The following TMEM184A variants were observed in gnomAD, a reference collection of about 807,000 sequenced individuals.
TMEM184A encodes the protein transmembrane protein 184A.
In TMEM184A, 40 loss-of-function variants were observed where a neutral mutation model predicts 39.5. The observed-to-expected ratio is 1.01, with a 90% CI of 0.79 to 1.32. TMEM184A has a LOEUF of 1.32. Ranked by LOEUF, TMEM184A falls within the 40% of genes most tolerant of loss-of-function variation. The pLI, the probability that TMEM184A is intolerant of heterozygous loss-of-function variation, is 0.00. For missense variants in TMEM184A, 603 were observed against 568.8 expected (o/e 1.06, Z -0.61); for synonymous variants, 280 against 252.3 (o/e 1.11, Z -1.04).
Position 1,545,266 on chromosome 7 carries a change from G to A in TMEM184A, c.*1686C>T, listed in dbSNP as rs1583209686. 6.6e-6 allele frequency: 1 copy of A among 152,546 alleles called. No individual in the cohort carries two copies. Among genetic ancestry groups the A allele is most frequent in the African/African-American group, 2.4e-5 (1 of 41,426 alleles). The allele number at this position is 152,546 out of a possible 1,614,324, so 9.4% of individuals were successfully genotyped here. On this transcript the variant is annotated 3_prime_UTR_variant, in exon 9 of 9. Coordinates refer to ENST00000297477, the MANE Select transcript of TMEM184A (RefSeq NM_001097620.2). ...GTGGGCGTCTTTGCAGCCGTGCAGGGAGGAGCTCAGCCTATCTTATCAGGC... is the reference window on the plus strand; with the variant it reads ...GTGGGCGTCTTTGCAGCCGTGCAGGAAGGAGCTCAGCCTATCTTATCAGGC...
At chr7:1,549,356 G>A (rs1234481167) in intron 6 of TMEM184A, 1 of 394,860 alleles carries the variant, frequency 2.5e-6, no homozygotes, top group Non-Finnish European at 5.1e-6. Context: ...GTGGACCTTC[G>A]CAGGGGTCCT....
In TMEM184A at chr7:1,549,470, G is replaced by A. The variant is rs142557295; in HGVS notation, c.644+384C>T. On this transcript the variant is annotated intron_variant, in intron 6 of 8. Transcript: ENST00000297477. ...ATGCCAAGAGTGCTCAAGGCTGGGC[G>A]GGGGCTGGGGCCATCACTGCCTGGC... 659 of 462,960 alleles carry A rather than the reference G, an allele frequency of 1.4e-3. 1 individual carries two copies. Among genetic ancestry groups the A allele is most frequent in the African/African-American group, 0.012 (601 of 49,246 alleles). 28.7% of individuals were successfully genotyped at this position (462,960 alleles called of 1,614,324 possible).
At position 1,555,545 on chromosome 7, in the gene TMEM184A, A is replaced by G. The variant is rs12532336; in HGVS notation, c.1-61T>C. On this transcript the variant is annotated intron_variant, in intron 1 of 8. Coordinates refer to ENST00000297477, the MANE Select transcript of TMEM184A (RefSeq NM_001097620.2). The surrounding 1 kb of genome is among the most constrained non-coding windows in gnomAD (Gnocchi z 5.2). ...GAGGGCAAAGGTACTGGCTCCCGGC[A>G]GCAGGAAGCAGCGGGGGAGGGAGGA... 9.1e-6 allele frequency: 12 copies of G among 1,313,224 alleles called. No homozygotes were observed. The Admixed American group carries it at 2.0e-4, about 22-fold the overall frequency. The allele number at this position is 1,313,224 out of a possible 1,614,324, so 81.3% of individuals were successfully genotyped here. A position where few individuals can be genotyped will look rare whatever the true frequency, so the allele number is the denominator to read the frequency against.
Position 1,555,964 on chromosome 7 carries a change from C to T in TMEM184A, c.-1+150G>A, listed in dbSNP as rs1778548502. ...TGGGACCTGTCCACCCACCTGGGAG[C>T]CCGGCTTTGCTGGGGTTCTTGGCAG... is the stretch of plus-strand genomic sequence containing the variant. On this transcript the variant is annotated intron_variant, in intron 1 of 8. Transcript: ENST00000297477. This position sits in a 1 kb window ranked among gnomAD's most constrained non-coding sequence, Gnocchi z 5.2. The T allele has an allele frequency of 9.3e-6, 2 of 213,930 alleles. No homozygotes were observed. The highest frequency in any genetic ancestry group is 1.2e-4 in the Admixed American group (2 of 16,470). The allele number at this position is 213,930 out of a possible 1,614,324, so 13.3% of individuals were successfully genotyped here.
At chr7:1,554,364 G>A (rs1296802517) in intron 2 of TMEM184A, among the ~76,000 whole-genome samples, 5 of 151,916 alleles carry the variant, frequency 3.3e-5, no homozygotes, top group Admixed American at 2.0e-4. Flanking sequence ...CCAGTGCCCC[G>A]TGCACCCGGG....
At chr7:1,551,691 C>G (rs561117981) in intron 2 of TMEM184A, among the ~76,000 whole-genome samples, 47 of 152,168 alleles carry the variant, frequency 3.1e-4, no homozygotes, top group African/African-American at 1.1e-3. Flanking sequence ...AATCCCAGCA[C>G]TTTGGGAGGC....
At position 1,555,537 on chromosome 7, in the gene TMEM184A, C is replaced by T; in HGVS notation, c.1-53G>A. 7.0e-7 allele frequency: 1 copy of T among 1,433,626 alleles called. No individual in the cohort carries two copies. Among genetic ancestry groups the T allele is most frequent in the Non-Finnish European group, 9.7e-7 (1 of 1,031,068 alleles). 88.8% of individuals were successfully genotyped at this position (1,433,626 alleles called of 1,614,324 possible). On this transcript the variant is annotated intron_variant, in intron 1 of 8. Coordinates refer to ENST00000297477, the MANE Select transcript of TMEM184A (RefSeq NM_001097620.2). This position sits in a 1 kb window ranked among gnomAD's most constrained non-coding sequence, Gnocchi z 5.2. ...GGAGGAGTGAGGGCAAAGGTACTGGCTCCCGGCAGCAGGAAGCAGCGGGGG... is the reference window on the plus strand; with the variant it reads ...GGAGGAGTGAGGGCAAAGGTACTGGTTCCCGGCAGCAGGAAGCAGCGGGGG...
chr7:1,551,743 C>T (rs1784609250), intron 2 of TMEM184A, among the ~76,000 whole-genome samples: 1 of 151,984 alleles, frequency 6.6e-6, no homozygotes, highest in African/African-American at 2.4e-5. Flanking sequence ...TCAAGACCAG[C>T]CTGGCCAACA....
intron 8 of TMEM184A, 72 bp downstream of exon 8, chr7:1,547,670 G>A: frequency 3.4e-6 from 5 of 1,478,312 alleles, no homozygotes; most frequent in Non-Finnish European, 4.6e-6. Flanking sequence ...CTCGAGAATG[G>A]CACGGACACA....
Position 1,544,740 on chromosome 7 carries a change from G to A in TMEM184A, c.*2212C>T, listed in dbSNP as rs1333303570. 6.6e-6 allele frequency: 1 copy of A among 152,294 alleles called. No individual in the cohort carries two copies. The highest frequency in any genetic ancestry group is 2.4e-5 in the African/African-American group (1 of 41,458). 9.4% of individuals were successfully genotyped at this position (152,294 alleles called of 1,614,324 possible). On this transcript the variant is annotated 3_prime_UTR_variant, in exon 9 of 9. Transcript: ENST00000297477. Reference sequence around the variant, plus strand: ...GGGTCAGGAGGCAGGGAGGAGAGAGGGCCTCTGTGGAGCCGGCTGCCTGGT... The same window carrying A: ...GGGTCAGGAGGCAGGGAGGAGAGAGAGCCTCTGTGGAGCCGGCTGCCTGGT...
intron 6 of TMEM184A, 180 bp from the exon 7 acceptor site, chr7:1,548,868 C>G (rs1243576667): frequency 2.6e-6 from 2 of 764,558 alleles, no homozygotes; most frequent in African/African-American, 3.4e-5. Flanking sequence ...GCGTGGGGAG[C>G]TGGGGGTGGC....
At chr7:1,552,600 CTTCA>C (rs1039939435) in intron 2 of TMEM184A, among the ~76,000 whole-genome samples, 1 of 151,078 alleles carries the variant, frequency 6.6e-6, no homozygotes, top group Non-Finnish European at 1.5e-5. Flanking sequence ...TCACTCATTC[CTTCA>C]TTCAGCAGGC....
intron 4 of TMEM184A, 51 bp from the exon 5 acceptor site, chr7:1,550,249 C>T (rs754607424): frequency 6.2e-7 from 1 of 1,607,176 alleles, no homozygotes; most frequent in Non-Finnish European, 8.5e-7. Context: ...CCCGGCGCCG[C>T]CGGGCTCCCT....
At chr7:1,548,893 A>G in intron 6 of TMEM184A, 1 of 710,778 alleles carries the variant, frequency 1.4e-6, no homozygotes, top group Non-Finnish European at 2.5e-6. Flanking sequence ...GGGCCTATGC[A>G]GGGGTAGGGC....
chr7:1,555,643 C>G lies in TMEM184A; in HGVS notation c.1-159G>C. On this transcript the variant is annotated intron_variant, in intron 1 of 8. Coordinates refer to ENST00000297477, the MANE Select transcript of TMEM184A (RefSeq NM_001097620.2). This position sits in a 1 kb window ranked among gnomAD's most constrained non-coding sequence, Gnocchi z 5.2. Reference sequence around the variant, plus strand: ...CCCACACGGACACCAGCGCCAGGCCCGGCTCCCTCCCTGCTCCGAGCTCAG... The same window carrying G: ...CCCACACGGACACCAGCGCCAGGCCGGGCTCCCTCCCTGCTCCGAGCTCAG... 2 of 677,628 alleles carry G rather than the reference C, an allele frequency of 3.0e-6. No homozygotes were observed. Among genetic ancestry groups the G allele is most frequent in the Admixed American group, 2.4e-5 (1 of 41,382 alleles). The allele number at this position is 677,628 out of a possible 1,614,324, so 42.0% of individuals were successfully genotyped here. A position where few individuals can be genotyped will look rare whatever the true frequency, so the allele number is the denominator to read the frequency against.
chr7:1,550,148 A>T lies in TMEM184A; in HGVS notation c.527T>A (p.Ile176Asn). The change falls in exon 5 of 9, where the codon ATC (isoleucine) becomes AAC (asparagine). Residue 176 changes from isoleucine to asparagine, a missense_variant. Ile to Asn is a moderately radical substitution (Grantham distance 149). Transcript: ENST00000297477. ...TCCLRGMTYS[I>N]GFLRFCKQAT... The stretch of plus-strand genomic sequence containing the variant: ...CTGCTTACAGAAGCGCAGGAACCCG[A>T]TGGAGTAGGTCATGCCCCGGAGGCA... 1 of 1,607,566 alleles carries T rather than the reference A, an allele frequency of 6.2e-7. No homozygotes were observed. Among genetic ancestry groups the T allele is most frequent in the Admixed American group, 1.7e-5 (1 of 59,350 alleles).
chr7:1,552,991 G>A (rs993594295), intron 2 of TMEM184A, among the ~76,000 whole-genome samples: 7 of 152,072 alleles, frequency 4.6e-5, no homozygotes, highest in African/African-American at 1.7e-4. Flanking sequence ...GGAAGCGGAG[G>A]CTGCAGTGAG....
Position 1,547,095 on chromosome 7 carries a change from AGTT to A in TMEM184A, c.1096_1098del (p.Asn366del). ...GTGTAGTGCTGGTAGGCGGGGGAGAAGTTGTGGATGGCGTCCTGCACGATGTCC... is the reference window on the plus strand; with the variant it reads ...GTGTAGTGCTGGTAGGCGGGGGAGAAGTGGATGGCGTCCTGCACGATGTCC... On this transcript the variant is annotated inframe_deletion, in exon 9 of 9. Transcript: ENST00000297477. 6.2e-7 allele frequency: 1 copy of A among 1,610,172 alleles called. No individual in the cohort carries two copies. Among genetic ancestry groups the A allele is most frequent in the Non-Finnish European group, 8.5e-7 (1 of 1,179,588 alleles).
rs1018483897 is a variant in TMEM184A, at chr7:1,542,796, C to T, written c.*4156G>A. On this transcript the variant is annotated 3_prime_UTR_variant, in exon 9 of 9. Transcript: ENST00000297477. Reference sequence around the variant, plus strand: ...TTCCAGGGCGTGGGGACCCCGGCCCCCTATGCCGCCACGCCGCCACACCGC... The same window carrying T: ...TTCCAGGGCGTGGGGACCCCGGCCCTCTATGCCGCCACGCCGCCACACCGC... The T allele has an allele frequency of 2.6e-5, 4 of 152,650 alleles. No individual in the cohort carries two copies. The highest frequency in any genetic ancestry group is 4.4e-5 in the Non-Finnish European group (3 of 68,048). The allele number at this position is 152,650 out of a possible 1,614,324, so 9.5% of individuals were successfully genotyped here. A position where few individuals can be genotyped will look rare whatever the true frequency, so the allele number is the denominator to read the frequency against.
Sources: allele counts gnomAD v4.1 joint callset (sites outside exome capture counted in the v4.1 genomes callset), GRCh38; gene constraint gnomAD v4.1.1; non-coding constraint Gnocchi (gnomAD v3.1); transcripts MANE v1.5; gene names NCBI Gene and HGNC (gene_info 2026-07-23, HGNC 2026-07-21).